The following MS4A5 variants were observed in gnomAD, a reference collection of about 807,000 sequenced individuals.
The protein encoded by MS4A5 is membrane spanning 4-domains A5, also known as membrane-spanning 4-domains subfamily A member 5.
In MS4A5, 15 loss-of-function variants were observed where a neutral mutation model predicts 18.2. The observed-to-expected ratio is 0.83, with a 90% CI of 0.55 to 1.27. The LOEUF is 1.27. MS4A5 is among the 50% of genes most tolerant of loss of function. The probability of loss-of-function intolerance (pLI) is 0.00; values close to 1 mark genes in which losing one functional copy is unlikely to be tolerated. For synonymous variants in MS4A5, 89 were observed against 78.7 expected (o/e 1.13, Z -0.69); for missense variants, 232 against 225.7 (o/e 1.03, Z -0.18).
At chr11:60,441,571 C>G (rs1285637921) in intron 4 of MS4A5, among the ~76,000 whole-genome samples, 1 of 147,896 alleles carries the variant, frequency 6.8e-6, no homozygotes, top group South Asian at 2.2e-4. Context: ...AACCTACCTT[C>G]TCTTATTATC....
intron 4 of MS4A5, among the ~76,000 whole-genome samples, chr11:60,434,383 T>G (rs2086067500): frequency 6.6e-6 from 1 of 152,206 alleles, no homozygotes; most frequent in Admixed American, 6.5e-5. Flanking sequence ...GTAAAAGGTT[T>G]GATCCACATG....
chr11:60,441,881 G>A (rs1003427807), intron 4 of MS4A5, among the ~76,000 whole-genome samples: 12 of 152,224 alleles, frequency 7.9e-5, no homozygotes, highest in South Asian at 2.1e-4. Context: ...ATTGCTAAAC[G>A]TATAATAGGG....
Position 60,444,170 on chromosome 11 carries a change from C to T in MS4A5, c.493-3479C>T, listed in dbSNP as rs910892927. 4.6e-5 allele frequency among the ~76,000 whole-genome samples: 7 copies of T among 152,210 alleles called. 1 individual carries two copies. Among genetic ancestry groups the T allele is most frequent in the South Asian group, 4.2e-4 (2 of 4,812 alleles). ...GACATTATAAAATATTTAAAAATTA[C>T]GGGTAACTCTATCTTGTAAACTTTG... On this transcript the variant is annotated intron_variant, in intron 4 of 4. Coordinates refer to ENST00000300190, the MANE Select transcript of MS4A5 (RefSeq NM_023945.3).
intron 2 of MS4A5, among the ~76,000 whole-genome samples, chr11:60,431,127 T>C (rs2086046522): frequency 6.6e-6 from 1 of 152,256 alleles, no homozygotes; most frequent in Admixed American, 6.5e-5. Flanking sequence ...TGGGAATACT[T>C]CTTTTGAGGC....
chr11:60,432,336 C>A, intron 2 of MS4A5, 75 bp from the exon 3 acceptor site: 2 of 946,948 alleles, frequency 2.1e-6, no homozygotes, highest in South Asian at 1.6e-5. Context: ...AAAAGAAATG[C>A]ATAGAGGTCT....
intron 4 of MS4A5, among the ~76,000 whole-genome samples, chr11:60,445,724 G>A (rs1209255260): frequency 6.6e-6 from 1 of 152,038 alleles, no homozygotes; most frequent in African/African-American, 2.4e-5. Context: ...TATGAGGAAA[G>A]AATTTACAAA....
At position 60,432,752 on chromosome 11, in the gene MS4A5, C is replaced by T. The variant is rs147882495; in HGVS notation, c.339+285C>T. ...AGGAGCCGAGATCGTGCCTGGGCAA[C>T]GGAAAAGACTCCATCTCAAAAAAAA... On this transcript the variant is annotated intron_variant, in intron 3 of 4. Transcript: ENST00000300190. 4.4e-4 allele frequency among the ~76,000 whole-genome samples: 58 copies of T among 132,912 alleles called. No individual in the cohort carries two copies. The South Asian group carries it at 5.0e-3, about 11-fold the overall frequency. The allele number at this position is 132,912 out of a possible 152,430, so 87.2% of individuals were successfully genotyped here. A position where few individuals can be genotyped will look rare whatever the true frequency, so the allele number is the denominator to read the frequency against.
chr11:60,433,979 C>A, intron 4 of MS4A5, 62 bp downstream of exon 4: 2 of 1,409,234 alleles, frequency 1.4e-6, no homozygotes, highest in Non-Finnish European at 2.0e-6. Flanking sequence ...TTTATTAGCA[C>A]TCAATCAGCA....
At chr11:60,430,219 G>T (rs1233161890) in intron 1 of MS4A5, among the ~76,000 whole-genome samples, 1 of 151,630 alleles carries the variant, frequency 6.6e-6, no homozygotes, top group African/African-American at 2.4e-5. Flanking sequence ...CCACTGCTTG[G>T]TGTCACAGTG....
At chr11:60,442,330 T>G (rs1295906480) in intron 4 of MS4A5, among the ~76,000 whole-genome samples, 2 of 152,226 alleles carry the variant, frequency 1.3e-5, no homozygotes, top group Non-Finnish European at 2.9e-5. Flanking sequence ...CACTTAACAT[T>G]CACTATCTTT....
chr11:60,443,666 C>A (rs547881539), intron 4 of MS4A5, among the ~76,000 whole-genome samples: 2 of 151,048 alleles, frequency 1.3e-5, no homozygotes, highest in African/African-American at 4.9e-5. Flanking sequence ...CAACACAAAC[C>A]ATGGATAAGA....
rs547668156 is a variant in MS4A5 at position 60,447,743 on chromosome 11, G to T, written c.587G>T (p.Cys196Phe). 7.0e-5 allele frequency: 111 copies of T among 1,585,476 alleles called. No individual in the cohort carries two copies. In the South Asian group the frequency reaches 1.2e-3, roughly 17 times the overall value. The change falls in exon 5 of 5, where the codon TGT becomes TTT. Residue 196 changes from cysteine (C) to phenylalanine (F), a missense_variant. Cys to Phe is a radical substitution (Grantham distance 205). Transcript: ENST00000300190. ...ILGCHSEDCD[C>F]EQCC ...GGGTGCCACTCAGAGGATTGTGATT[G>T]TGAACAATGTTGTTGACTAGCACTG...
chr11:60,432,771 A>AG (rs1461836774), intron 3 of MS4A5, among the ~76,000 whole-genome samples: 1 of 150,694 alleles, frequency 6.6e-6, no homozygotes, highest in Non-Finnish European at 1.5e-5. Flanking sequence ...CTCCATCTCA[A>AG]AAAAAAAAAA....
intron 4 of MS4A5, chr11:60,435,471 C>A (rs987816668): frequency 4.8e-6 from 2 of 415,226 alleles, no homozygotes; most frequent in East Asian, 7.0e-5. Context: ...CAGCTCCCAG[C>A]GTGAGAGACG....
chr11:60,430,858 G>A lies in MS4A5; in HGVS notation c.216G>A (p.Leu72=). ...TTGGAGTTATCTTCCTTTTCACCTT[G>A]TTAAAACCATATCCAAGGTTTCCCT... ...FSFGVIFLFT[L]LKPYPRFPFI... The change falls in exon 2 of 5, where the codon TTG becomes TTA. Residue 72 remains leucine (L), a synonymous_variant. Transcript: ENST00000300190. The A allele has an allele frequency of 6.2e-7, 1 of 1,613,314 alleles. No individual in the cohort carries two copies. The highest frequency in any genetic ancestry group is 1.1e-5 in the South Asian group (1 of 91,048).
At chr11:60,433,954 G>C in intron 4 of MS4A5, 37 bp downstream of exon 4, 1 of 1,575,268 alleles carries the variant, frequency 6.3e-7, no homozygotes, top group Non-Finnish European at 8.7e-7. Context: ...TGAGTAAAGG[G>C]CTTAATAGAA....
chr11:60,436,502 G>C (rs2086081435), intron 4 of MS4A5, among the ~76,000 whole-genome samples: 1 of 136,502 alleles, frequency 7.3e-6, no homozygotes, highest in Middle Eastern at 3.5e-3. Context: ...CAAACCAAAG[G>C]CAAAGAGGTT....
Position 60,433,852 on chromosome 11 carries a change from C to CA in MS4A5, c.431dup (p.Asn144LysfsTer11), listed in dbSNP as rs891051178. 1.9e-6 allele frequency: 3 copies of CA among 1,613,756 alleles called. No individual in the cohort carries two copies. Among genetic ancestry groups the CA allele is most frequent in the African/African-American group, 1.3e-5 (1 of 74,896 alleles). ...CCTCACATTTGGTTTCATCCTAGAT[C>CA]AAAACTACATTTGTGGTTATTCTCA... On this transcript the variant is annotated frameshift_variant, in exon 4 of 5. Transcript: ENST00000300190. LOFTEE classifies it high-confidence loss of function.
chr11:60,433,701 C>T, intron 3 of MS4A5, 64 bp from the exon 4 acceptor site: 2 of 1,499,756 alleles, frequency 1.3e-6, no homozygotes, highest in Admixed American at 1.7e-5. Flanking sequence ...TCTCCGCACT[C>T]ATTGCTTTGT....
Sources: gnomAD v4.1 joint callset for allele counts (sites outside exome capture counted in the v4.1 genomes callset) on GRCh38, gnomAD v4.1.1 for gene constraint, MANE v1.5 for transcripts, NCBI Gene and HGNC (gene_info 2026-07-23, HGNC 2026-07-21) for gene names.